The following C16orf96 variants were observed in gnomAD, a reference collection of about 807,000 sequenced individuals.
C16orf96 encodes chromosome 16 open reading frame 96.
In C16orf96, 108 loss-of-function variants were observed where a neutral mutation model predicts 103.6. That is an observed-to-expected ratio of 1.04 (90% CI 0.89 to 1.22). C16orf96 has a LOEUF of 1.22. Ranked by LOEUF, C16orf96 falls within the 50% of genes most tolerant of loss-of-function variation. The probability of loss-of-function intolerance (pLI) is 0.00; values close to 1 mark genes in which losing one functional copy is unlikely to be tolerated. For synonymous variants in C16orf96, 566 were observed against 593.5 expected, an observed-to-expected ratio of 0.95 and a Z score of 0.67; for missense variants, 1,586 against 1,464.2, an observed-to-expected ratio of 1.08 and a Z score of -1.36.
At chr16:4,553,364 G>A (rs1401757282), upstream of C16orf96, among the ~76,000 whole-genome samples, 1 of 152,112 alleles carries the variant, frequency 6.6e-6, no homozygotes, top group Non-Finnish European at 1.5e-5. Flanking sequence ...GATCAGTTCT[G>A]GTCAAGGAGC....
chr16:4,573,245 C>T (rs1477157274), intron 2 of C16orf96, among the ~76,000 whole-genome samples: 1 of 151,930 alleles, frequency 6.6e-6, no homozygotes, highest in Non-Finnish European at 1.5e-5. Context: ...CGAGACCAGC[C>T]TGGCCAACAT....
intron 1 of C16orf96, among the ~76,000 whole-genome samples, chr16:4,559,235 C>G (rs1385162560): frequency 6.6e-6 from 1 of 151,924 alleles, no homozygotes; most frequent in Non-Finnish European, 1.5e-5. Flanking sequence ...AGTTACCACT[C>G]TTCTCTTTCA....
intron 1 of C16orf96, among the ~76,000 whole-genome samples, chr16:4,558,022 G>A (rs897064502): frequency 6.6e-6 from 1 of 152,230 alleles, no homozygotes; most frequent in East Asian, 1.9e-4. Flanking sequence ...AGAAGTACCA[G>A]AGTAGTCACG....
chr16:4,572,970 G>A (rs929294407), intron 2 of C16orf96, among the ~76,000 whole-genome samples: 1 of 152,126 alleles, frequency 6.6e-6, no homozygotes, highest in African/African-American at 2.4e-5. Flanking sequence ...CCCAAATAGT[G>A]TAATTTTCTG....
At position 4,556,732 on chromosome 16, in the gene C16orf96, C is replaced by T. The variant is rs112579371; in HGVS notation, c.243C>T (p.Phe81=). Reference sequence around the variant, plus strand: ...CCATGAAGAGGCTCAGCAATGTCTTCGACCACGTGGTGAGCCGCCTCGACA... The same window carrying T: ...CCATGAAGAGGCTCAGCAATGTCTTTGACCACGTGGTGAGCCGCCTCGACA... ...LNPMKRLSNV[F]DHVVSRLDKL... Residue 81 remains phenylalanine (F), a synonymous_variant, in exon 1 of 16, where the codon TTC becomes TTT. Transcript: ENST00000444310. 8.8e-4 allele frequency: 1,366 copies of T among 1,551,606 alleles called. 2 individuals carry two copies. The highest frequency in any genetic ancestry group is 3.1e-3 in the African/African-American group (225 of 73,166).
chr16:4,578,518 G>C lies in C16orf96; in HGVS notation c.2156-422G>C, dbSNP rs149754380. 8.5e-4 allele frequency among the ~76,000 whole-genome samples: 129 copies of C among 152,210 alleles called. 1 individual carries two copies. The highest frequency in any genetic ancestry group is 3.4e-3 in the Middle Eastern group (1 of 294). On this transcript the variant is annotated intron_variant, in intron 5 of 15. Transcript: ENST00000444310. ...CTCATGCCTGTACTCCCAGCACTTTGGGAGGCTGAGGAAGGCGGATCACGA... is the reference window on the plus strand; with the variant it reads ...CTCATGCCTGTACTCCCAGCACTTTCGGAGGCTGAGGAAGGCGGATCACGA...
rs955733042 is a variant in C16orf96 at position 4,575,183 on chromosome 16, T to C, written c.703T>C (p.Ser235Pro). ...GCCCCCTCTTCTGCAGGAAATTGGT[T>C]CATCACCACTGGACCTGTGGCAGTC... ...HDAMFTSEIG[S>P]SPLDLWQSVE... is the part of the protein sequence containing the mutation. Residue 235 changes from serine to proline, a missense_variant, in exon 5 of 16, where the codon TCA becomes CCA. Ser to Pro is a moderately conservative substitution (Grantham distance 74). Transcript: ENST00000444310. The C allele has an allele frequency of 1.5e-5, 23 of 1,545,878 alleles. No homozygotes were observed. In the Admixed American group the frequency reaches 2.9e-4, roughly 20 times the overall value.
the C16orf96 span, among the ~76,000 whole-genome samples, chr16:4,546,524 C>T: frequency 2.8e-5 from 4 of 140,474 alleles, no homozygotes; most frequent in African/African-American, 7.9e-5. Flanking sequence ...AGTGCAGTGG[C>T]GGCAATCATG....
At chr16:4,545,968 G>C in the C16orf96 span, among the ~76,000 whole-genome samples, 4 of 151,838 alleles carry the variant, frequency 2.6e-5, no homozygotes, top group Non-Finnish European at 2.9e-5. Context: ...TCCCGCCTCA[G>C]CCTCCCGAGT....
chr16:4,550,863 C>T, the C16orf96 span, among the ~76,000 whole-genome samples: 1 of 152,216 alleles, frequency 6.6e-6, no homozygotes, highest in Middle Eastern at 3.2e-3. Flanking sequence ...TCTTTACACG[C>T]AGCAAGAACT....
intron 7 of C16orf96, among the ~76,000 whole-genome samples, chr16:4,585,678 T>C (rs545848259): frequency 6.6e-6 from 1 of 152,224 alleles, no homozygotes; most frequent in East Asian, 1.9e-4. Context: ...CTTGGGGTTC[T>C]GGAGGCGGGA....
At chr16:4,574,678 C>T (rs1366101028) in intron 2 of C16orf96, 31 bp from the exon 3 acceptor site, 4 of 1,528,668 alleles carry the variant, frequency 2.6e-6, no homozygotes, top group Admixed American at 2.0e-5. Flanking sequence ...GAACCTGGAC[C>T]CCCAGTCCAC....
chr16:4,592,226 G>A, intron 10 of C16orf96, 79 bp from the exon 11 acceptor site: 1 of 1,517,018 alleles, frequency 6.6e-7, no homozygotes, highest in South Asian at 1.2e-5. Flanking sequence ...ATGCAGCCCT[G>A]GGGCTCTGGC....
At position 4,592,367 on chromosome 16, in the gene C16orf96, C is replaced by T. The variant is rs760540541; in HGVS notation, c.2774C>T (p.Pro925Leu). Residue 925 changes from proline (P) to leucine (L), a missense_variant and splice_region_variant, in exon 11 of 16, where the codon CCA becomes CTA. Pro to Leu is a moderately conservative substitution (Grantham distance 98, BLOSUM62 -3). Coordinates refer to ENST00000444310, the MANE Select transcript of C16orf96 (RefSeq NM_001145011.2). ...CDRPVEMMTG[P>L]QLITIRKAHL... ...CGGCCTGTGGAGATGATGACTGGCC[C>T]GTGAGTACCACCGCCCAGGGTGCCC... 4.4e-5 allele frequency: 69 copies of T among 1,551,466 alleles called. No individual in the cohort carries two copies. The highest frequency in any genetic ancestry group is 5.4e-5 in the Non-Finnish European group (62 of 1,146,986).
chr16:4,539,722 T>A, the C16orf96 span, among the ~76,000 whole-genome samples: 1 of 151,526 alleles, frequency 6.6e-6, no homozygotes, highest in Non-Finnish European at 1.5e-5. Context: ...GGTTTAGGAG[T>A]CATGCACCCA....
chr16:4,564,536 C>T lies in C16orf96; in HGVS notation c.421-7025C>T, dbSNP rs1232567409. 3.3e-5 allele frequency among the ~76,000 whole-genome samples: 5 copies of T among 152,078 alleles called. No individual in the cohort carries two copies. The South Asian group carries it at 6.2e-4, about 19-fold the overall frequency. ...TTTAAATTGGATTTTTAAGGCTGGGCGTGGTGGTTTACGCCTATGATCCCA... is the reference window on the plus strand; with the variant it reads ...TTTAAATTGGATTTTTAAGGCTGGGTGTGGTGGTTTACGCCTATGATCCCA... On this transcript the variant is annotated intron_variant, in intron 1 of 15. Coordinates refer to ENST00000444310, the MANE Select transcript of C16orf96 (RefSeq NM_001145011.2).
Position 4,593,355 on chromosome 16 carries a change from A to T in C16orf96, c.2867+39A>T. The T allele has an allele frequency of 6.6e-7, 1 of 1,518,492 alleles. No homozygotes were observed. The highest frequency in any genetic ancestry group is 1.2e-5 in the South Asian group (1 of 83,182). The allele number at this position is 1,518,492 out of a possible 1,614,324, so 94.1% of individuals were successfully genotyped here. ...GCGCCCCGCAGGGAGGCCGCCCCGCATGGAGGCCACTCTGGAGCCTGGGAA... is the reference window on the plus strand; with the variant it reads ...GCGCCCCGCAGGGAGGCCGCCCCGCTTGGAGGCCACTCTGGAGCCTGGGAA... On this transcript the variant is annotated intron_variant, in intron 12 of 15. Transcript: ENST00000444310. This position sits in a 1 kb window ranked among gnomAD's most constrained non-coding sequence, Gnocchi z 4.2.
chr16:4,590,297 A>T (rs1897027317), intron 9 of C16orf96, among the ~76,000 whole-genome samples: 1 of 151,550 alleles, frequency 6.6e-6, no homozygotes, highest in Non-Finnish European at 1.5e-5. Flanking sequence ...GGTGGCTCAC[A>T]CCTGTAATCC....
intron 11 of C16orf96, among the ~76,000 whole-genome samples, 151 bp downstream of exon 11, chr16:4,592,518 G>T (rs562421650): frequency 6.6e-6 from 1 of 151,972 alleles, no homozygotes; most frequent in Non-Finnish European, 1.5e-5. Context: ...GTCCATACAC[G>T]CCCACATGCA....
Sources: gnomAD v4.1 joint callset for allele counts (sites outside exome capture counted in the v4.1 genomes callset) on GRCh38, gnomAD v4.1.1 for gene constraint, Gnocchi (gnomAD v3.1) non-coding constraint, MANE v1.5 for transcripts, NCBI Gene and HGNC (gene_info 2026-07-23, HGNC 2026-07-21) for gene names.